Variants in SGCG observed in about 807,000 individuals in gnomAD.
SGCG encodes the protein sarcoglycan gamma, also known as gamma-sarcoglycan.
SGCG carries 26 observed loss-of-function variants against 29.3 expected under a neutral mutation model. The observed-to-expected ratio is 0.89, with a 90% CI of 0.65 to 1.23. The LOEUF is 1.23. SGCG is among the 50% of genes most tolerant of loss of function. SGCG has a pLI of 0.00. For missense variants in SGCG, 353 were observed against 356.0 expected (o/e 0.99, Z 0.07); for synonymous variants, 145 against 129.7 (o/e 1.12, Z -0.80).
chr13:23,264,352 C>T (rs754927294), intron 4 of SGCG, among the ~76,000 whole-genome samples: 27 of 150,842 alleles, frequency 1.8e-4, no homozygotes, highest in Non-Finnish European at 3.1e-4. Flanking sequence ...AAAAAAATAC[C>T]GAGAAATATA....
the SGCG span, among the ~76,000 whole-genome samples, chr13:23,169,121 T>C: frequency 1.3e-5 from 2 of 151,848 alleles, no homozygotes; most frequent in Non-Finnish European, 2.9e-5. Context: ...CAAAACCTAG[T>C]AATCTTTCTC....
At chr13:23,269,199 G>A (rs1266969536) in intron 4 of SGCG, 1 of 152,146 alleles carries the variant, frequency 6.6e-6, no homozygotes, top group East Asian at 1.9e-4. Flanking sequence ...CTGAATTTGT[G>A]TAATTGCTCT....
At chr13:23,252,128 G>A (rs115704626) in intron 4 of SGCG, among the ~76,000 whole-genome samples, 1,804 of 152,104 alleles carry the variant, frequency 0.012, 41 homozygotes, top group African/African-American at 0.041. Flanking sequence ...CTGCATATAC[G>A]TTCTTAAGAT....
intron 1 of SGCG, among the ~76,000 whole-genome samples, chr13:23,182,618 T>A (rs1442202063): frequency 6.6e-6 from 1 of 152,232 alleles, no homozygotes; most frequent in Non-Finnish European, 1.5e-5. Flanking sequence ...GCTTCATTTT[T>A]AATTTTATAT....
rs371706332 is a variant in SGCG at position 23,202,140 on chromosome 13, T to TG, written c.1-1553dup. On this transcript the variant is annotated intron_variant, in intron 1 of 7. Transcript: ENST00000218867. ...TCAGTCTTGTGAGCAAAGGACACAG[T>TG]GGTAGTAGATGAAGCCAAAGACATC... Among the ~76,000 whole-genome samples, 504 of 152,170 alleles carry TG rather than the reference T, an allele frequency of 3.3e-3. 2 individuals carry two copies. Among genetic ancestry groups the TG allele is most frequent in the African/African-American group, 0.011 (475 of 41,514 alleles).
Position 23,203,781 on chromosome 13 carries a change from T to C in SGCG, c.87T>C (p.Tyr29=), listed in dbSNP as rs1196026821. ...AGTATGTCTACAAAATTGGCATTTA[T>C]GGCTGGAGAAAGCGCTGTCTCTACT... is the stretch of plus-strand genomic sequence containing the variant. ...ENQYVYKIGI[Y]GWRKRCLYLF... is the part of the protein sequence containing the mutation. Residue 29 remains tyrosine, a synonymous_variant, in exon 2 of 8, where the codon TAT becomes TAC. Coordinates refer to ENST00000218867, the MANE Select transcript of SGCG (RefSeq NM_000231.3). The C allele has an allele frequency of 1.2e-6, 2 of 1,613,868 alleles. No homozygotes were observed. Among genetic ancestry groups the C allele is most frequent in the Non-Finnish European group, 8.5e-7 (1 of 1,179,882 alleles).
At chr13:23,264,267 A>G (rs1880555160) in intron 4 of SGCG, among the ~76,000 whole-genome samples, 1 of 152,188 alleles carries the variant, frequency 6.6e-6, no homozygotes, top group Non-Finnish European at 1.5e-5. Flanking sequence ...ACAAATTAGT[A>G]GCACTGCTAT....
At chr13:23,282,337 T>C (rs1242593264) in intron 5 of SGCG, among the ~76,000 whole-genome samples, 1 of 152,260 alleles carries the variant, frequency 6.6e-6, no homozygotes, top group Non-Finnish European at 1.5e-5. Flanking sequence ...TTTTTTGTTT[T>C]AAACTTTTAC....
At chr13:23,256,854 TTTGTAG>T (rs1344197154) in intron 4 of SGCG, among the ~76,000 whole-genome samples, 2 of 152,236 alleles carry the variant, frequency 1.3e-5, no homozygotes, top group Non-Finnish European at 2.9e-5. Context: ...TGCATGTGTC[TTTGTAG>T]TAGCATGACT....
chr13:23,208,219 T>C (rs751844026), intron 2 of SGCG, among the ~76,000 whole-genome samples: 16 of 152,228 alleles, frequency 1.1e-4, no homozygotes, highest in Non-Finnish European at 1.8e-4. Flanking sequence ...AGTCAGAATA[T>C]AGGGAAAACC....
rs1566037462 is a variant in SGCG at position 23,299,439 on chromosome 13, TATATA to T, written c.578+3953_578+3957del. Among the ~76,000 whole-genome samples the T allele has an allele frequency of 6.8e-3, 145 of 21,196 alleles. 11 individuals carry two copies. The highest frequency in any genetic ancestry group is 8.6e-3 in the Non-Finnish European group (72 of 8,344). The allele number at this position is 21,196 out of a possible 152,430, so 13.9% of individuals were successfully genotyped here. A position where few individuals can be genotyped will look rare whatever the true frequency, so the allele number is the denominator to read the frequency against. On this transcript the variant is annotated intron_variant, in intron 6 of 7. Transcript: ENST00000218867. The stretch of plus-strand genomic sequence containing the variant: ...ATATATATATATATATATATATATA[TATATA>T]TATATATATATATTTTTTTTTTTTT...
intron 4 of SGCG, among the ~76,000 whole-genome samples, chr13:23,259,164 G>A (rs546582325): frequency 3.9e-5 from 6 of 152,192 alleles, no homozygotes; most frequent in East Asian, 1.9e-4. Context: ...CTGTAAATCC[G>A]TCTGCTCTTG....
intron 6 of SGCG, among the ~76,000 whole-genome samples, chr13:23,297,110 T>A (rs1239718857): frequency 6.6e-6 from 1 of 152,184 alleles, no homozygotes; most frequent in Non-Finnish European, 1.5e-5. Flanking sequence ...CAGACTATTT[T>A]TTCTCATATT....
In SGCG at chr13:23,295,471, C is replaced by T. The variant is rs1389741768; in HGVS notation, c.562C>T (p.Pro188Ser). The T allele has an allele frequency of 3.7e-6, 6 of 1,613,374 alleles. No homozygotes were observed. Among genetic ancestry groups the T allele is most frequent in the African/African-American group, 1.3e-5 (1 of 74,902 alleles). The change falls in exon 6 of 8, where the codon CCG (proline) becomes TCG (serine). Residue 188 changes from proline (P) to serine (S), a missense_variant. Pro to Ser is a moderately conservative substitution (Grantham distance 74). Transcript: ENST00000218867. ...GGAGACACCCCTTGTCAGAGCCGACCCGTTTCAAGACCTTAGGTAAGAATT... is the reference window on the plus strand; with the variant it reads ...GGAGACACCCCTTGTCAGAGCCGACTCGTTTCAAGACCTTAGGTAAGAATT... The part of the protein sequence containing the change: ...SVETPLVRAD[P>S]FQDLRLESPT...
chr13:23,323,391 C>T (rs1473699951), intron 7 of SGCG, among the ~76,000 whole-genome samples: 1 of 152,152 alleles, frequency 6.6e-6, no homozygotes, highest in African/African-American at 2.4e-5. Flanking sequence ...TGCACACCGG[C>T]GAATGCGTGC....
At chr13:23,312,849 G>A (rs186010480) in intron 6 of SGCG, among the ~76,000 whole-genome samples, 7 of 151,768 alleles carry the variant, frequency 4.6e-5, no homozygotes, top group African/African-American at 1.7e-4. Flanking sequence ...CCAAAAACAT[G>A]TATTAGGTAA....
intron 5 of SGCG, among the ~76,000 whole-genome samples, chr13:23,286,424 T>C (rs1300942399): frequency 6.6e-6 from 1 of 152,194 alleles, no homozygotes; most frequent in Non-Finnish European, 1.5e-5. Flanking sequence ...GACATGATAG[T>C]CATTTCAAAG....
intron 6 of SGCG, among the ~76,000 whole-genome samples, chr13:23,302,191 CCAA>C (rs1882186646): frequency 6.6e-6 from 1 of 151,594 alleles, no homozygotes; most frequent in African/African-American, 2.4e-5. Context: ...AAATTTTTTC[CCAA>C]TATACACTAC....
chr13:23,212,446 G>A (rs1360544165), intron 2 of SGCG, among the ~76,000 whole-genome samples: 1 of 151,812 alleles, frequency 6.6e-6, no homozygotes, highest in Admixed American at 6.6e-5. Context: ...AGTTGAGCCT[G>A]GTAGCATAAA....
Sources: gnomAD v4.1 joint callset for allele counts (sites outside exome capture counted in the v4.1 genomes callset) on GRCh38, gnomAD v4.1.1 for gene constraint, MANE v1.5 for transcripts, NCBI Gene and HGNC (gene_info 2026-07-23, HGNC 2026-07-21) for gene names.